The following RAD50 variants were observed in gnomAD, a reference collection of about 807,000 sequenced individuals.
RAD50 encodes RAD50 double strand break repair protein, also known as DNA repair protein RAD50.
A neutral mutation model predicts 168.8 loss-of-function variants in RAD50; 132 were observed. That is an observed-to-expected ratio of 0.78 (90% CI 0.68 to 0.90). The LOEUF is 0.90. Among genes scored for constraint, RAD50 ranks in the 40% least tolerant of loss-of-function variants. The probability of loss-of-function intolerance (pLI) is 0.00; values close to 1 mark genes in which losing one functional copy is unlikely to be tolerated. For synonymous variants in RAD50, 525 were observed against 497.4 expected (o/e 1.06, Z -0.74); for missense variants, 1,347 against 1,534.4 (o/e 0.88, Z 2.04).
chr5:132,630,209 A>AT (rs1349405159), intron 21 of RAD50, among the ~76,000 whole-genome samples: 1 of 151,728 alleles, frequency 6.6e-6, no homozygotes, highest in African/African-American at 2.4e-5. Flanking sequence ...CACCCGGCTA[A>AT]TTTTTTGTAT....
chr5:132,575,682 C>T, intron 2 of RAD50, 95 bp from the exon 3 acceptor site: 13 of 1,194,608 alleles, frequency 1.1e-5, no homozygotes, highest in Non-Finnish European at 1.3e-5. Flanking sequence ...CTTTTTGTTC[C>T]CTCATTTTGG....
intron 2 of RAD50, among the ~76,000 whole-genome samples, chr5:132,560,334 C>T (rs1196887955): frequency 6.6e-6 from 1 of 151,756 alleles, no homozygotes; most frequent in Non-Finnish European, 1.5e-5. Flanking sequence ...TTAAATGACC[C>T]CCTGTTGATT....
intron 13 of RAD50, among the ~76,000 whole-genome samples, 199 bp downstream of exon 13, chr5:132,596,009 T>C (rs974861485): frequency 5.9e-5 from 9 of 152,120 alleles, no homozygotes; most frequent in East Asian, 1.9e-4. Context: ...TTTTCTTTTT[T>C]TTTTCTGAGA....
intron 2 of RAD50, among the ~76,000 whole-genome samples, chr5:132,569,999 C>A (rs1411862186): frequency 6.6e-6 from 1 of 152,072 alleles, no homozygotes; most frequent in Non-Finnish European, 1.5e-5. Flanking sequence ...GAAAAGAAAC[C>A]AATCAGTATA....
intron 21 of RAD50, among the ~76,000 whole-genome samples, chr5:132,624,845 G>A (rs985344925): frequency 7.5e-5 from 11 of 145,928 alleles, no homozygotes; most frequent in African/African-American, 2.8e-4. Context: ...GCACTCCAGC[G>A]TGGGTGACAG....
chr5:132,598,661 C>A (rs1750835555), intron 13 of RAD50, among the ~76,000 whole-genome samples: 8 of 152,158 alleles, frequency 5.3e-5, no homozygotes, highest in African/African-American at 1.9e-4. Flanking sequence ...GTGATGCTCA[C>A]TATTGTCTGG....
Position 132,609,323 on chromosome 5 carries a change from GTGAA to G in RAD50, c.2966_2969del (p.Glu989AlafsTer8). 1.2e-6 allele frequency: 2 copies of G among 1,613,714 alleles called. No homozygotes were observed. Among genetic ancestry groups the G allele is most frequent in the African/African-American group, 2.7e-5 (2 of 74,996 alleles). On this transcript the variant is annotated frameshift_variant, in exon 19 of 25. Transcript: ENST00000378823. LOFTEE classifies it high-confidence loss of function. ...CTTAATAAAGTAATAGCTCAACTAA[GTGAA>G]TGCGAGAAACACAAAGAAAAGATAA...
chr5:132,607,204 T>C (rs1289615140), intron 16 of RAD50, among the ~76,000 whole-genome samples: 1 of 152,218 alleles, frequency 6.6e-6, no homozygotes, highest in African/African-American at 2.4e-5. Context: ...GTAAATGTTA[T>C]TGGAGGTGGT....
chr5:132,643,316 C>T lies in RAD50; in HGVS notation c.*952C>T, dbSNP rs1431636438. The T allele has an allele frequency of 2.8e-5, 7 of 248,508 alleles. No homozygotes were observed. 15.4% of individuals were successfully genotyped at this position (248,508 alleles called of 1,614,324 possible). On this transcript the variant is annotated 3_prime_UTR_variant, in exon 25 of 25. Transcript: ENST00000378823. ...TTCAGATGCCACTTCTAAGAAAAGC[C>T]TAATCACAGTTTTTCCTGGAATTGC...
chr5:132,557,853 T>C (rs1448077517), intron 1 of RAD50, among the ~76,000 whole-genome samples: 1 of 152,232 alleles, frequency 6.6e-6, no homozygotes, highest in Non-Finnish European at 1.5e-5. Flanking sequence ...AAATGATACA[T>C]ACATGACTAA....
At chr5:132,600,987 A>C (rs531428178) in intron 13 of RAD50, among the ~76,000 whole-genome samples, 1 of 152,136 alleles carries the variant, frequency 6.6e-6, no homozygotes, top group Admixed American at 6.5e-5. Context: ...AGAAAAATTA[A>C]CTCTTGAAAA....
intron 14 of RAD50, 84 bp downstream of exon 14, chr5:132,603,573 A>G: frequency 7.2e-7 from 1 of 1,391,408 alleles, no homozygotes; most frequent in South Asian, 1.2e-5. Flanking sequence ...AATAGTAGCT[A>G]GTATTCAGGT....
chr5:132,595,797 C>T lies in RAD50; in HGVS notation c.2194C>T (p.Leu732Phe), dbSNP rs1750782073. 6.2e-7 allele frequency: 1 copy of T among 1,606,360 alleles called. No individual in the cohort carries two copies. Among genetic ancestry groups the T allele is most frequent in the East Asian group, 2.2e-5 (1 of 44,848 alleles). ...AAAGCGGCGTGATGAAATGCTGGGACTTGTGCCCATGAGGTAAGAATGGGA... is the reference window on the plus strand; with the variant it reads ...AAAGCGGCGTGATGAAATGCTGGGATTTGTGCCCATGAGGTAAGAATGGGA... ...KEKRRDEMLG[L>F]VPMRQSIIDL... The change falls in exon 13 of 25, where the codon CTT becomes TTT. Residue 732 changes from leucine (L) to phenylalanine (F), a missense_variant. Transcript: ENST00000378823.
intron 23 of RAD50, among the ~76,000 whole-genome samples, chr5:132,639,045 T>C (rs919721896): frequency 6.6e-6 from 1 of 152,228 alleles, no homozygotes; most frequent in Admixed American, 6.5e-5. Context: ...TTTCATAGTT[T>C]GCAGTTTTTG....
At chr5:132,614,179 A>C (rs1305687197) in intron 19 of RAD50, among the ~76,000 whole-genome samples, 2 of 152,204 alleles carry the variant, frequency 1.3e-5, no homozygotes, top group Non-Finnish European at 2.9e-5. Flanking sequence ...TTTGTGCCAA[A>C]AATCAGTCTC....
At chr5:132,595,869 C>A in intron 13 of RAD50, 59 bp downstream of exon 13, 1 of 1,477,752 alleles carries the variant, frequency 6.8e-7, no homozygotes, top group Non-Finnish European at 9.4e-7. Context: ...AGGTACCCAT[C>A]TCATGCCTGG....
intron 2 of RAD50, among the ~76,000 whole-genome samples, chr5:132,570,202 T>C (rs1391631911): frequency 1.3e-5 from 2 of 152,060 alleles, no homozygotes; most frequent in African/African-American, 4.8e-5. Flanking sequence ...AAAAACAAGC[T>C]GTGACAGCCT....
intron 13 of RAD50, chr5:132,599,977 T>A (rs1359262900): frequency 6.6e-6 from 1 of 152,354 alleles, no homozygotes; most frequent in Non-Finnish European, 1.5e-5. Context: ...TTTATGATAG[T>A]CACTTAGGTG....
intron 2 of RAD50, among the ~76,000 whole-genome samples, chr5:132,564,865 C>T (rs1051293139): frequency 2.6e-5 from 4 of 152,020 alleles, no homozygotes; most frequent in African/African-American, 9.7e-5. Flanking sequence ...AGGCTGCAAG[C>T]TGTAAGCCTT....
Sources: gnomAD v4.1 joint callset for allele counts (sites outside exome capture counted in the v4.1 genomes callset) on GRCh38, gnomAD v4.1.1 for gene constraint, MANE v1.5 for transcripts, NCBI Gene and HGNC (gene_info 2026-07-23, HGNC 2026-07-21) for gene names.